The following ZNF555 variants were observed in gnomAD, a reference collection of about 807,000 sequenced individuals.
ZNF555 encodes the protein zinc finger protein 555.
Under a neutral mutation model 14.0 loss-of-function variants are expected in ZNF555, and 10 were observed. That is an observed-to-expected ratio of 0.72 (90% CI 0.44 to 1.21). ZNF555 has a LOEUF of 1.21. Ranked by LOEUF, ZNF555 falls within the 50% of genes most tolerant of loss-of-function variation. The pLI, the probability that ZNF555 is intolerant of heterozygous loss-of-function variation, is 0.00. For missense variants in ZNF555, 747 were observed against 762.0 expected, an observed-to-expected ratio of 0.98 and a Z score of 0.23; for synonymous variants, 277 against 262.4, an observed-to-expected ratio of 1.06 and a Z score of -0.54.
rs1433547303 is a variant in ZNF555 at position 2,854,619 on chromosome 19, T to C, written c.*667T>C. The C allele has an allele frequency of 6.5e-6, 1 of 153,076 alleles. No individual in the cohort carries two copies. The highest frequency in any genetic ancestry group is 1.5e-5 in the Non-Finnish European group (1 of 68,684). The allele number at this position is 153,076 out of a possible 1,614,324, so 9.5% of individuals were successfully genotyped here. A position where few individuals can be genotyped will look rare whatever the true frequency, so the allele number is the denominator to read the frequency against. ...GAAGAAGTAAGTCATCGCTGAGCTTTTGGGGTCACATTAAATGGAGATGGA... is the reference window on the plus strand; with the variant it reads ...GAAGAAGTAAGTCATCGCTGAGCTTCTGGGGTCACATTAAATGGAGATGGA... On this transcript the variant is annotated 3_prime_UTR_variant, in exon 4 of 4. Coordinates refer to ENST00000334241, the MANE Select transcript of ZNF555 (RefSeq NM_152791.5).
chr19:2,850,217 A>T (rs1250235641), intron 1 of ZNF555, among the ~76,000 whole-genome samples: 2 of 152,190 alleles, frequency 1.3e-5, no homozygotes, highest in African/African-American at 4.8e-5. Flanking sequence ...GTGCCGAATG[A>T]TGGTGTGTGC....
chr19:2,851,664 C>A lies in ZNF555; in HGVS notation c.314+13C>A. On this transcript the variant is annotated intron_variant, in intron 3 of 3. Coordinates refer to ENST00000334241, the MANE Select transcript of ZNF555 (RefSeq NM_152791.5). ...GGAGAAATCTCAGGTGAGTTGCACT[C>A]ACAAGAGAACATAGTATTTCAGGAG... 6.5e-7 allele frequency: 1 copy of A among 1,527,172 alleles called. No individual in the cohort carries two copies. Among genetic ancestry groups the A allele is most frequent in the Non-Finnish European group, 8.8e-7 (1 of 1,141,042 alleles). 94.6% of individuals were successfully genotyped at this position (1,527,172 alleles called of 1,614,324 possible).
At position 2,852,875 on chromosome 19, in the gene ZNF555, G is replaced by A. The variant is rs778920794; in HGVS notation, c.810G>A (p.Thr270=). 32 of 1,613,934 alleles carry A rather than the reference G, an allele frequency of 2.0e-5. No individual in the cohort carries two copies. Among genetic ancestry groups the A allele is most frequent in the Non-Finnish European group, 2.5e-5 (29 of 1,180,014 alleles). ...GGAAAGCTTTCAGTTATTCCTCAAC[G>A]TTTCGAAGACACACAATAACACACA... The part of the protein sequence containing the change: ...ECGKAFSYSS[T]FRRHTITHTG... Residue 270 remains threonine, a synonymous_variant, in exon 4 of 4, where the codon ACG becomes ACA. Transcript: ENST00000334241.
intron 1 of ZNF555, among the ~76,000 whole-genome samples, chr19:2,844,058 T>G (rs1377101541): frequency 1.3e-5 from 2 of 151,824 alleles, no homozygotes; most frequent in Admixed American, 6.6e-5. Context: ...TTCTTTTCTT[T>G]TTTTTCTTTC....
chr19:2,843,149 G>A (rs1394737047), intron 1 of ZNF555, among the ~76,000 whole-genome samples: 1 of 151,870 alleles, frequency 6.6e-6, no homozygotes, highest in Non-Finnish European at 1.5e-5. Context: ...TCGTTTCTCA[G>A]ATCTGTTATT....
intron 1 of ZNF555, among the ~76,000 whole-genome samples, chr19:2,844,106 T>A (rs1015180491): frequency 1.4e-4 from 21 of 150,322 alleles, no homozygotes; most frequent in African/African-American, 5.1e-4. Context: ...TTCTTTTTTT[T>A]TTTTTTTTTT....
chr19:2,850,625 C>G lies in ZNF555; in HGVS notation c.42C>G (p.Thr14=). 1 of 1,613,914 alleles carries G rather than the reference C, an allele frequency of 6.2e-7. No homozygotes were observed. Among genetic ancestry groups the G allele is most frequent in the Non-Finnish European group, 8.5e-7 (1 of 1,179,896 alleles). ...VVFEDVAVDF[T]LEEWALLDSA... ...TTGAGGATGTGGCTGTGGACTTCAC[C>G]CTGGAGGAGTGGGCTTTGCTGGATT... Residue 14 remains threonine (T), a synonymous_variant, in exon 2 of 4, where the codon ACC becomes ACG. Transcript: ENST00000334241.
chr19:2,842,118 G>A (rs930072720), intron 1 of ZNF555, among the ~76,000 whole-genome samples: 5 of 152,100 alleles, frequency 3.3e-5, no homozygotes, highest in African/African-American at 1.2e-4. Flanking sequence ...CGCGGTCTCT[G>A]GGGGACCCTG....
chr19:2,842,064 C>T (rs1436036906), intron 1 of ZNF555, among the ~76,000 whole-genome samples: 1 of 151,998 alleles, frequency 6.6e-6, no homozygotes, highest in African/African-American at 2.4e-5. Context: ...CGCCTCCGCT[C>T]GCGCTCCCGC....
In ZNF555 at chr19:2,854,996, G is replaced by A. The variant is rs1302447441; in HGVS notation, c.*1044G>A. On this transcript the variant is annotated 3_prime_UTR_variant, in exon 4 of 4. Transcript: ENST00000334241. ...ACCTTGTTATCTTAATACTTCCAGT[G>A]GCTCTGTGATCCTGATTCCACCACG... 1 of 152,132 alleles carries A rather than the reference G, an allele frequency of 6.6e-6. No individual in the cohort carries two copies. Among genetic ancestry groups the A allele is most frequent in the African/African-American group, 2.4e-5 (1 of 41,422 alleles). The allele number at this position is 152,132 out of a possible 1,614,324, so 9.4% of individuals were successfully genotyped here. A position where few individuals can be genotyped will look rare whatever the true frequency, so the allele number is the denominator to read the frequency against.
At position 2,852,912 on chromosome 19, in the gene ZNF555, C is replaced by G. The variant is rs770469039; in HGVS notation, c.847C>G (p.Pro283Ala). ...RHTITHTGEK[P>A]YKCKECAEAF... ...CACAATAACACACACTGGCGAGAAG[C>G]CATATAAATGTAAGGAATGTGCGGA... The change falls in exon 4 of 4, where the codon CCA (proline) becomes GCA (alanine). Residue 283 changes from proline to alanine, a missense_variant. By Grantham distance (27) the Pro-to-Ala change is conservative. Coordinates refer to ENST00000334241, the MANE Select transcript of ZNF555 (RefSeq NM_152791.5). The G allele has an allele frequency of 9.3e-6, 15 of 1,614,044 alleles. No individual in the cohort carries two copies. Among genetic ancestry groups the G allele is most frequent in the South Asian group, 3.3e-5 (3 of 91,088 alleles).
At position 2,852,605 on chromosome 19, in the gene ZNF555, C is replaced by G. The variant is rs779687153; in HGVS notation, c.540C>G (p.Ala180=). The G allele has an allele frequency of 6.2e-7, 1 of 1,614,024 alleles. No homozygotes were observed. The highest frequency in any genetic ancestry group is 2.2e-5 in the East Asian group (1 of 44,898). The stretch of plus-strand genomic sequence containing the variant: ...ATCAGTGCCAGGAATGTGGGCAGGC[C>G]TACAGTTGTCGTTCACACCTAAGAA... ...KPYQCQECGQ[A]YSCRSHLRMH... is the part of the protein sequence containing the mutation. The change falls in exon 4 of 4, where the codon GCC becomes GCG. Residue 180 remains alanine, a synonymous_variant. Coordinates refer to ENST00000334241, the MANE Select transcript of ZNF555 (RefSeq NM_152791.5).
chr19:2,853,811 T>G lies in ZNF555; in HGVS notation c.1746T>G (p.His582Gln). The G allele has an allele frequency of 6.2e-7, 1 of 1,613,408 alleles. No individual in the cohort carries two copies. Among genetic ancestry groups the G allele is most frequent in the Non-Finnish European group, 8.5e-7 (1 of 1,179,656 alleles). The stretch of plus-strand genomic sequence containing the variant: ...ATTGTTCCTCATCCTTAAGGCGACA[T>G]GTGAGAATACACACTACAGAAAAAC... ...AFNCSSSLRR[H>Q]VRIHTTEKQY... Residue 582 changes from histidine to glutamine, a missense_variant, in exon 4 of 4, where the codon CAT becomes CAG. Physicochemically the swap from His to Gln is conservative, Grantham distance 24. Coordinates refer to ENST00000334241, the MANE Select transcript of ZNF555 (RefSeq NM_152791.5).
chr19:2,853,985 T>A lies in ZNF555; in HGVS notation c.*33T>A. On this transcript the variant is annotated 3_prime_UTR_variant, in exon 4 of 4. Transcript: ENST00000334241. The stretch of plus-strand genomic sequence containing the variant: ...ATCCTGAAAGTGGACACTCAAGGAG[T>A]GTGTCTGTAGTTCATTTGCAAATAA... The A allele has an allele frequency of 1.2e-6, 2 of 1,608,454 alleles. No individual in the cohort carries two copies. The highest frequency in any genetic ancestry group is 2.2e-5 in the South Asian group (2 of 90,254).
At chr19:2,847,728 A>G (rs2087593710) in intron 1 of ZNF555, among the ~76,000 whole-genome samples, 1 of 152,232 alleles carries the variant, frequency 6.6e-6, no homozygotes, top group South Asian at 2.1e-4. Context: ...ATTTTACTTG[A>G]TTACATCTGC....
Position 2,855,740 on chromosome 19 carries a change from T to G in ZNF555, c.*1788T>G, listed in dbSNP as rs927276995. The G allele has an allele frequency of 2.6e-5, 4 of 152,194 alleles. No homozygotes were observed. Among genetic ancestry groups the G allele is most frequent in the African/African-American group, 4.8e-5 (2 of 41,442 alleles). 9.4% of individuals were successfully genotyped at this position (152,194 alleles called of 1,614,324 possible). ...GGCATTGGCAGGACCATGCTTTTTC[T>G]GAAGATGCTAGGGAAGGATCTGTTT... On this transcript the variant is annotated 3_prime_UTR_variant, in exon 4 of 4. Transcript: ENST00000334241.
Position 2,853,360 on chromosome 19 carries a change from C to T in ZNF555, c.1295C>T (p.Thr432Ile). 6.2e-7 allele frequency: 1 copy of T among 1,614,012 alleles called. No homozygotes were observed. Among genetic ancestry groups the T allele is most frequent in the Non-Finnish European group, 8.5e-7 (1 of 1,179,964 alleles). ...KPYECKQCGK[T>I]FNWPISLRKH... Reference sequence around the variant, plus strand: ...TATGAGTGCAAGCAATGTGGGAAAACTTTCAATTGGCCCATATCTTTACGA... The same window carrying T: ...TATGAGTGCAAGCAATGTGGGAAAATTTTCAATTGGCCCATATCTTTACGA... The change falls in exon 4 of 4, where the codon ACT becomes ATT. Residue 432 changes from threonine to isoleucine, a missense_variant. Coordinates refer to ENST00000334241, the MANE Select transcript of ZNF555 (RefSeq NM_152791.5).
chr19:2,848,254 C>T (rs2087599023), intron 1 of ZNF555, among the ~76,000 whole-genome samples: 1 of 151,938 alleles, frequency 6.6e-6, no homozygotes, highest in South Asian at 2.1e-4. Context: ...CGGGTTCACG[C>T]CATTCTCCTG....
At position 2,847,653 on chromosome 19, in the gene ZNF555, T is replaced by A. The variant is rs201255436; in HGVS notation, c.4-2934T>A. ...AAAGTTACTTAATCTGAAAAAAATTTAAAAAAAATAAAAAATAAAGACACT... is the reference window on the plus strand; with the variant it reads ...AAAGTTACTTAATCTGAAAAAAATTAAAAAAAAATAAAAAATAAAGACACT... On this transcript the variant is annotated intron_variant, in intron 1 of 3. Coordinates refer to ENST00000334241, the MANE Select transcript of ZNF555 (RefSeq NM_152791.5). 1.6e-3 allele frequency among the ~76,000 whole-genome samples: 246 copies of A among 151,956 alleles called. 4 individuals are homozygous for A. The highest frequency in any genetic ancestry group is 6.2e-4 in the South Asian group (3 of 4,808).
Sources: gnomAD v4.1 joint callset for allele counts (sites outside exome capture counted in the v4.1 genomes callset) on GRCh38, gnomAD v4.1.1 for gene constraint, MANE v1.5 for transcripts, NCBI Gene and HGNC (gene_info 2026-07-23, HGNC 2026-07-21) for gene names.